The following BCR variants were observed in gnomAD, a reference collection of about 807,000 sequenced individuals.
BCR encodes BCR activator of RhoGEF and GTPase.
A neutral mutation model predicts 138.6 loss-of-function variants in BCR; 58 were observed. The ratio of observed to expected loss-of-function variants is 0.42; its 90% CI spans 0.34 to 0.52. BCR has a LOEUF of 0.52. BCR is among the 20% of genes least tolerant of loss of function. The probability of loss-of-function intolerance (pLI) is 0.06; values close to 1 mark genes in which losing one functional copy is unlikely to be tolerated. For missense variants in BCR, 1,599 were observed against 1,727.2 expected (o/e 0.93, Z 1.32); for synonymous variants, 786 against 730.1 (o/e 1.08, Z -1.23).
At chr22:23,289,782 G>C in intron 13 of BCR, 161 bp downstream of exon 13, 1 of 659,370 alleles carries the variant, frequency 1.5e-6, no homozygotes, top group Non-Finnish European at 2.6e-6. Flanking sequence ...CCTCCCAGGA[G>C]TGGACAAGGT....
At chr22:23,278,785 T>C (rs971988887) in intron 8 of BCR, among the ~76,000 whole-genome samples, 4 of 151,768 alleles carry the variant, frequency 2.6e-5, no homozygotes, top group Admixed American at 2.0e-4. Context: ...GTTGGCAAAG[T>C]TTGCAAGGGG....
intron 1 of BCR, among the ~76,000 whole-genome samples, chr22:23,230,954 C>T (rs1395803483): frequency 6.6e-6 from 1 of 152,112 alleles, no homozygotes; most frequent in East Asian, 1.9e-4. Flanking sequence ...CACAGTATCC[C>T]GAACCATCTA....
In BCR at chr22:23,312,978, C is replaced by T. The variant is rs2074024976; in HGVS notation, c.3414C>T (p.Pro1138=). The T allele has an allele frequency of 2.5e-6, 4 of 1,591,474 alleles. No individual in the cohort carries two copies. Among genetic ancestry groups the T allele is most frequent in the South Asian group, 1.1e-5 (1 of 90,634 alleles). Residue 1138 remains proline, a synonymous_variant, in exon 20 of 23, where the codon CCC becomes CCT. Coordinates refer to ENST00000305877, the MANE Select transcript of BCR (RefSeq NM_004327.4). ...TGTACTTCCGTGAGCTGCCCGAGCCCCTCTTCACTGACGAGTTCTACCCCA... is the reference window on the plus strand; with the variant it reads ...TGTACTTCCGTGAGCTGCCCGAGCCTCTCTTCACTGACGAGTTCTACCCCA... ...LKLYFRELPE[P]LFTDEFYPNF...
At chr22:23,309,910 G>T in intron 17 of BCR, 1 of 326,600 alleles carries the variant, frequency 3.1e-6, no homozygotes, top group Non-Finnish European at 5.7e-6. Flanking sequence ...ACATTATTCT[G>T]TCTTTCCTAC....
At chr22:23,263,103 GTTTGGGCC>G (rs2073387958) in intron 4 of BCR, 1 of 707,980 alleles carries the variant, frequency 1.4e-6, no homozygotes, top group South Asian at 1.9e-5. Context: ...AGGAGGTCAG[GTTTGGGCC>G]TACATCCCGG....
At chr22:23,266,242 T>A (rs1413553778) in intron 4 of BCR, among the ~76,000 whole-genome samples, 1 of 151,978 alleles carries the variant, frequency 6.6e-6, no homozygotes, top group Non-Finnish European at 1.5e-5. Flanking sequence ...CGTGCCACCA[T>A]GCCCAGCTAA....
At chr22:23,206,740 A>G (rs2072618923) in intron 1 of BCR, among the ~76,000 whole-genome samples, 1 of 152,194 alleles carries the variant, frequency 6.6e-6, no homozygotes, top group South Asian at 2.1e-4. Flanking sequence ...TTCCTGAGAA[A>G]GGGGTAGCTG....
intron 1 of BCR, among the ~76,000 whole-genome samples, chr22:23,234,418 G>A (rs1481127607): frequency 6.6e-6 from 1 of 152,226 alleles, no homozygotes; most frequent in Admixed American, 6.5e-5. Context: ...GTGGCCTGAG[G>A]AGGGACCAGA....
Position 23,180,998 on chromosome 22 carries a change from C to T in BCR, c.38C>T (p.Ala13Val), listed in dbSNP as rs199561166. The T allele has an allele frequency of 6.8e-7, 1 of 1,463,744 alleles. No individual in the cohort carries two copies. The highest frequency in any genetic ancestry group is 1.4e-5 in the African/African-American group (1 of 69,082). The allele number at this position is 1,463,744 out of a possible 1,614,324, so 90.7% of individuals were successfully genotyped here. A position where few individuals can be genotyped will look rare whatever the true frequency, so the allele number is the denominator to read the frequency against. Residue 13 changes from alanine (A) to valine (V), a missense_variant, in exon 1 of 23, where the codon GCG becomes GTG. Ala to Val is a moderately conservative substitution (Grantham distance 64, BLOSUM62 0). Transcript: ENST00000305877. ...GTGGGCTTCGCGGAGGCGTGGAAGG[C>T]GCAGTTCCCGGACTCAGAGCCCCCG... is the stretch of plus-strand genomic sequence containing the variant. ...DPVGFAEAWK[A>V]QFPDSEPPRM...
intron 15 of BCR, among the ~76,000 whole-genome samples, chr22:23,293,295 T>C (rs2073810022): frequency 6.6e-6 from 1 of 152,148 alleles, no homozygotes; most frequent in African/African-American, 2.4e-5. Context: ...CAGCTGGGCC[T>C]GCAGAGAGCT....
intron 1 of BCR, among the ~76,000 whole-genome samples, chr22:23,216,678 G>A (rs964414000): frequency 6.6e-6 from 1 of 152,246 alleles, no homozygotes; most frequent in Non-Finnish European, 1.5e-5. Flanking sequence ...AGGTGGTTCT[G>A]CTGTCACACA....
intron 12 of BCR, 27 bp from the exon 13 acceptor site, chr22:23,289,490 T>G: frequency 6.3e-7 from 1 of 1,587,726 alleles, no homozygotes; most frequent in Non-Finnish European, 8.6e-7. Flanking sequence ...ATTGACCAAT[T>G]GGTGCACCTC....
intron 15 of BCR, among the ~76,000 whole-genome samples, chr22:23,293,859 G>T (rs182776517): frequency 1.4e-5 from 2 of 141,704 alleles, no homozygotes; most frequent in South Asian, 4.5e-4. Context: ...GCTTCTTCCC[G>T]CACCCTCCTC....
chr22:23,290,214 C>G, intron 13 of BCR, 125 bp from the exon 14 acceptor site: 2 of 959,422 alleles, frequency 2.1e-6, no homozygotes, highest in Non-Finnish European at 3.4e-6. Context: ...ACTGGCTTAC[C>G]TTGTGCCAGG....
intron 1 of BCR, among the ~76,000 whole-genome samples, chr22:23,236,487 GT>G (rs1304745156): frequency 3.3e-5 from 5 of 152,234 alleles, no homozygotes; most frequent in Non-Finnish European, 5.9e-5. Context: ...TCCTGGTACA[GT>G]CCCCATCTTC....
chr22:23,263,442 C>T (rs1380377778), intron 4 of BCR: 10 of 1,387,362 alleles, frequency 7.2e-6, no homozygotes, highest in South Asian at 5.8e-5. Flanking sequence ...GGGGTGCTGC[C>T]GAGAGGGGAT....
At chr22:23,188,935 A>G (rs2072381017) in intron 1 of BCR, among the ~76,000 whole-genome samples, 1 of 151,834 alleles carries the variant, frequency 6.6e-6, no homozygotes, top group Non-Finnish European at 1.5e-5. Context: ...GGCACGATCT[A>G]GGCTCACTAC....
chr22:23,248,171 C>T (rs1169083624), intron 1 of BCR, among the ~76,000 whole-genome samples: 1 of 152,022 alleles, frequency 6.6e-6, no homozygotes, highest in Non-Finnish European at 1.5e-5. Context: ...TGGTGAAACC[C>T]CATCTATACT....
chr22:23,308,703 A>T (rs886681802), intron 16 of BCR, among the ~76,000 whole-genome samples: 1 of 152,222 alleles, frequency 6.6e-6, no homozygotes, highest in East Asian at 1.9e-4. Flanking sequence ...CGTGCTCCCC[A>T]TAAAACGGGA....
Sources: gnomAD v4.1 joint callset for allele counts (sites outside exome capture counted in the v4.1 genomes callset) on GRCh38, gnomAD v4.1.1 for gene constraint, MANE v1.5 for transcripts, NCBI Gene and HGNC (gene_info 2026-07-23, HGNC 2026-07-21) for gene names.